CCDC33: variants seen among roughly 807,000 people sequenced by gnomAD.
CCDC33 encodes coiled-coil domain-containing protein 33.
Under a neutral mutation model 91.9 loss-of-function variants are expected in CCDC33, and 94 were observed. The ratio of observed to expected loss-of-function variants is 1.02; its 90% CI spans 0.87 to 1.21. The LOEUF is 1.21. CCDC33 is among the 50% of genes most tolerant of loss of function. The probability of loss-of-function intolerance (pLI) is 0.00; values close to 1 mark genes in which losing one functional copy is unlikely to be tolerated. For synonymous variants in CCDC33, 396 were observed against 374.5 expected, an observed-to-expected ratio of 1.06 and a Z score of -0.66; for missense variants, 940 against 935.5, an observed-to-expected ratio of 1.00 and a Z score of -0.06.
Position 74,272,886 on chromosome 15 carries a change from C to T in CCDC33, c.754C>T (p.Pro252Ser), listed in dbSNP as rs770834091. 5 of 1,614,206 alleles carry T rather than the reference C, an allele frequency of 3.1e-6. No homozygotes were observed. The highest frequency in any genetic ancestry group is 4.5e-5 in the East Asian group (2 of 44,890). The part of the protein sequence containing the change: ...DVPRVSQNGC[P>S]QLSKPGGPPE... Reference sequence around the variant, plus strand: ...GCCTCGCGTCAGCCAGAACGGATGCCCTCAGGTATGTCTCCTCCCCAGTGG... The same window carrying T: ...GCCTCGCGTCAGCCAGAACGGATGCTCTCAGGTATGTCTCCTCCCCAGTGG... The change falls in exon 7 of 19, where the codon CCT (proline) becomes TCT (serine). Residue 252 changes from proline (P) to serine (S), a missense_variant. By Grantham distance (74) the Pro-to-Ser change is moderately conservative (BLOSUM62 -1). Transcript: ENST00000398814.
At chr15:74,256,641 G>A (rs919918699) in intron 2 of CCDC33, among the ~76,000 whole-genome samples, 5 of 152,162 alleles carry the variant, frequency 3.3e-5, no homozygotes, top group Admixed American at 6.5e-5. Flanking sequence ...GACAGGACAC[G>A]GCATGACACT....
chr15:74,232,191 G>A (rs1255922560), upstream of CCDC33, among the ~76,000 whole-genome samples: 1 of 152,204 alleles, frequency 6.6e-6, no homozygotes, highest in African/African-American at 2.4e-5. Context: ...AGGACATCAG[G>A]CGGGGCGAGA....
In CCDC33 at chr15:74,253,665, G is replaced by C. The variant is rs188878692; in HGVS notation, c.186-8775G>C. On this transcript the variant is annotated intron_variant, in intron 2 of 18. Coordinates refer to ENST00000398814, the MANE Select transcript of CCDC33 (RefSeq NM_025055.5). ...ACAGTCAGCAGCAGTGGAGCCGGGA[G>C]CCAGAATTCAAAGTCAATGTCTTCA... Among the ~76,000 whole-genome samples, 14 of 152,132 alleles carry C rather than the reference G, an allele frequency of 9.2e-5. No individual in the cohort carries two copies. The East Asian group carries it at 1.9e-3, about 21-fold the overall frequency.
chr15:74,306,325 C>A (rs2059893334), intron 11 of CCDC33, among the ~76,000 whole-genome samples: 1 of 152,222 alleles, frequency 6.6e-6, no homozygotes, highest in Admixed American at 6.5e-5. Context: ...CCCCCATCAA[C>A]TCCCACCCCA....
At chr15:74,328,734 A>G (rs1279592511) in intron 11 of CCDC33, among the ~76,000 whole-genome samples, 5 of 152,180 alleles carry the variant, frequency 3.3e-5, no homozygotes, top group African/African-American at 7.2e-5. Context: ...TCTCGAAGCC[A>G]TGGCCTGCCA....
rs769450124 is a variant in CCDC33 at position 74,336,081 on chromosome 15, T to A, written c.*28T>A. On this transcript the variant is annotated 3_prime_UTR_variant, in exon 19 of 19. Transcript: ENST00000398814. ...CCCAGAGCAGGCCTCCTTCCCTGTG[T>A]GCTGGGGAGTCTCATCACCGCCCCC... is the stretch of plus-strand genomic sequence containing the variant. 5.6e-6 allele frequency: 9 copies of A among 1,609,860 alleles called. No homozygotes were observed. In the South Asian group the frequency reaches 9.9e-5, roughly 18 times the overall value.
intron 1 of CCDC33, among the ~76,000 whole-genome samples, chr15:74,242,089 G>C (rs141043310): frequency 2.0e-5 from 3 of 152,172 alleles, no homozygotes; most frequent in Non-Finnish European, 4.4e-5. Flanking sequence ...AAAACTCCTC[G>C]GGGCAGAGCA....
rs351158 is a variant in CCDC33 at position 74,263,295 on chromosome 15, T to A, written c.319+722T>A. ...TGCCCGGGTAGGGGGGCATCGCATC[T>A]GGCACTGCCAGCACAGACTGGAGGT... On this transcript the variant is annotated intron_variant, in intron 3 of 18. Coordinates refer to ENST00000398814, the MANE Select transcript of CCDC33 (RefSeq NM_025055.5). Among the ~76,000 whole-genome samples the A allele has an allele frequency of 2.4e-4, 36 of 152,290 alleles. No homozygotes were observed. In the East Asian group the frequency reaches 4.1e-3, roughly 17 times the overall value.
chr15:74,217,715 T>G, intron 1 of CCDC33: 1 of 702,694 alleles, frequency 1.4e-6, no homozygotes, highest in Non-Finnish European at 1.9e-6. Flanking sequence ...CCCAAAGCTC[T>G]GCCGGTGTGA....
At chr15:74,336,374 C>G, downstream of CCDC33, 1 of 1,333,018 alleles carries the variant, frequency 7.5e-7, no homozygotes, top group Non-Finnish European at 9.8e-7. Flanking sequence ...GGAGAAGAAG[C>G]AAGGCCACCA....
At chr15:74,260,536 A>T (rs1303231276) in intron 2 of CCDC33, among the ~76,000 whole-genome samples, 1 of 152,204 alleles carries the variant, frequency 6.6e-6, no homozygotes, top group Non-Finnish European at 1.5e-5. Flanking sequence ...GGCTTTCTGG[A>T]TGCCAGGAGC....
rs769920088 is a variant in CCDC33, at chr15:74,262,446, C to T, written c.192C>T (p.Ser64=). Residue 64 remains serine (S), a synonymous_variant, in exon 3 of 19, where the codon AGC becomes AGT. Transcript: ENST00000398814. ...CTGCCCCTGCTCTCCCCAGGAAAAG[C>T]ACATCTGAGGAAAAGAACAATCAGA... ...SEPWPYVVVK[S]TSEEKNNQSS... 3 of 1,613,982 alleles carry T rather than the reference C, an allele frequency of 1.9e-6. No individual in the cohort carries two copies. The highest frequency in any genetic ancestry group is 2.2e-5 in the South Asian group (2 of 91,036).
intron 11 of CCDC33, chr15:74,300,365 T>C (rs1179555328): frequency 6.6e-6 from 1 of 152,292 alleles, no homozygotes; most frequent in East Asian, 1.9e-4. Flanking sequence ...TACAGAGTAG[T>C]AGCACTGGGA....
chr15:74,334,502 G>C (rs543984799), intron 17 of CCDC33, among the ~76,000 whole-genome samples: 53 of 144,578 alleles, frequency 3.7e-4, no homozygotes, highest in Non-Finnish European at 7.1e-4. Flanking sequence ...ATACAACCAG[G>C]GTCAGGGTTC....
At chr15:74,296,053 A>C (rs1433166499) in intron 11 of CCDC33, 105 bp downstream of exon 11, 1 of 957,890 alleles carries the variant, frequency 1.0e-6, no homozygotes, top group East Asian at 2.7e-5. Context: ...GGTGGCCAGT[A>C]GACCTCCCTC....
intron 11 of CCDC33, among the ~76,000 whole-genome samples, chr15:74,317,814 A>T (rs2060120224): frequency 6.6e-6 from 1 of 150,682 alleles, no homozygotes; most frequent in Non-Finnish European, 1.5e-5. Context: ...CCCAGGCTGA[A>T]GCCAGTTATA....
chr15:74,203,129 CG>C (rs968515378), intron 1 of CCDC33: 1 of 985,432 alleles, frequency 1.0e-6, no homozygotes, highest in Non-Finnish European at 1.2e-6. Context: ...TGGGCTGGGG[CG>C]GAGGCAGGGA....
chr15:74,268,816 C>T (rs577784938), intron 5 of CCDC33, among the ~76,000 whole-genome samples: 5 of 152,284 alleles, frequency 3.3e-5, no homozygotes, highest in Admixed American at 2.0e-4. Context: ...GGAGAAGCCC[C>T]GTGCTCCCCC....
intron 15 of CCDC33, 25 bp downstream of exon 15, chr15:74,331,321 A>T (rs1400983527): frequency 6.2e-7 from 1 of 1,609,506 alleles, no homozygotes. Flanking sequence ...TGATGTGATC[A>T]GCTCCCCAGC....
Sources: allele counts gnomAD v4.1 joint callset (sites outside exome capture counted in the v4.1 genomes callset), GRCh38; gene constraint gnomAD v4.1.1; transcripts MANE v1.5; gene names NCBI Gene and HGNC (gene_info 2026-07-23, HGNC 2026-07-21).